The following SNX31 variants were observed in gnomAD, a reference collection of about 807,000 sequenced individuals.
The protein encoded by SNX31 is sorting nexin 31, also known as sorting nexin-31.
A neutral mutation model predicts 65.4 loss-of-function variants in SNX31; 58 were observed. The observed-to-expected ratio is 0.89, with a 90% confidence interval of 0.72 to 1.10. The LOEUF is 1.10. Ranked by LOEUF, SNX31 falls within the 50% of genes least tolerant of loss-of-function variation. The pLI is 0.00. For missense variants in SNX31, 523 were observed against 529.7 expected (o/e 0.99, Z 0.12); for synonymous variants, 181 against 190.1 (o/e 0.95, Z 0.39).
Position 100,625,660 on chromosome 8 carries a change from G to T in SNX31, c.321+4667C>A, listed in dbSNP as rs574841920. Among the ~76,000 whole-genome samples, 1 of 152,300 alleles carries T rather than the reference G, an allele frequency of 6.6e-6. No homozygotes were observed. The highest frequency in any genetic ancestry group is 6.5e-5 in the Admixed American group (1 of 15,300). ...GCCCTGAGCCTGAGGTTTTCAGAAG[G>T]GCTGCCAAGTGCGTTGAAAATTGAA... On this transcript the variant is annotated intron_variant, in intron 4 of 13. Transcript: ENST00000311812. This position sits in a 1 kb window ranked among gnomAD's most constrained non-coding sequence, Gnocchi z 4.2.
Position 100,595,800 on chromosome 8 carries a change from G to A in SNX31, c.978+839C>T, listed in dbSNP as rs541137161. 4.6e-5 allele frequency among the ~76,000 whole-genome samples: 7 copies of A among 152,292 alleles called. No homozygotes were observed. In the South Asian group the frequency reaches 1.5e-3, roughly 32 times the overall value. ...ACCTGGTTGAAGGCATCCAGAGGTA[G>A]AAAAAACTGGGCCTTTGAGCAGGGT... On this transcript the variant is annotated intron_variant, in intron 10 of 13. Coordinates refer to ENST00000311812, the MANE Select transcript of SNX31 (RefSeq NM_152628.4).
chr8:100,581,329 C>CTATATATATATCTA (rs1491502174), intron 12 of SNX31, among the ~76,000 whole-genome samples: 1 of 80,170 alleles, frequency 1.2e-5, no homozygotes, highest in African/African-American at 4.9e-5. Flanking sequence ...CTATATCTAT[C>CTATATATATATCTA]TATCTATCTA....
chr8:100,634,703 C>T (rs1393369057), intron 3 of SNX31, among the ~76,000 whole-genome samples: 1 of 151,504 alleles, frequency 6.6e-6, no homozygotes, highest in African/African-American at 2.4e-5. Flanking sequence ...GAGCCAAGGT[C>T]ACACCACTGC....
Position 100,588,882 on chromosome 8 carries a change from A to C in SNX31, c.1076T>G (p.Val359Gly). 1 of 1,613,764 alleles carries C rather than the reference A, an allele frequency of 6.2e-7. No individual in the cohort carries two copies. Among genetic ancestry groups the C allele is most frequent in the Non-Finnish European group, 8.5e-7 (1 of 1,179,636 alleles). ...YSEDSCWQWF[V>G]IYTKQAFLLS... ...AGAACTCACCTGTTTGGTGTAAATA[A>C]CAAACCACTGCCAGCAACTATCCTC... Residue 359 changes from valine to glycine, a missense_variant, in exon 11 of 14, where the codon GTT becomes GGT. By Grantham distance (109) the Val-to-Gly change is moderately radical. Transcript: ENST00000311812. This position sits in a 1 kb window ranked among gnomAD's most constrained non-coding sequence, Gnocchi z 4.8.
At chr8:100,628,103 G>A (rs562364665) in intron 4 of SNX31, among the ~76,000 whole-genome samples, 61 of 152,120 alleles carry the variant, frequency 4.0e-4, no homozygotes, top group Non-Finnish European at 7.2e-4. Context: ...GGTGCTGGAG[G>A]GGATGTGGAA....
At chr8:100,592,308 T>C (rs1156539445) in intron 10 of SNX31, among the ~76,000 whole-genome samples, 1 of 152,022 alleles carries the variant, frequency 6.6e-6, no homozygotes, top group Admixed American at 6.6e-5. Context: ...ATGGGATAAA[T>C]AACAATGTTA....
rs973840359 is a variant in SNX31 at position 100,648,447 on chromosome 8, G to T, written c.141+827C>A. Among the ~76,000 whole-genome samples, 15 of 151,666 alleles carry T rather than the reference G, an allele frequency of 9.9e-5. No individual in the cohort carries two copies. Among genetic ancestry groups the T allele is most frequent in the African/African-American group, 2.9e-4 (12 of 41,252 alleles). On this transcript the variant is annotated intron_variant, in intron 2 of 13. Transcript: ENST00000311812. This position sits in a 1 kb window ranked among gnomAD's most constrained non-coding sequence, Gnocchi z 4.3. ...CAAAGTATTGGGATTACAAGCATGA[G>T]CCACGGTGCCTGGCCTATACTTTTG...
intron 2 of SNX31, among the ~76,000 whole-genome samples, chr8:100,644,997 C>T (rs1819528551): frequency 6.6e-6 from 1 of 152,238 alleles, no homozygotes; most frequent in Non-Finnish European, 1.5e-5. Context: ...TAGCTCTCCA[C>T]ATACCCTGGC....
At chr8:100,607,559 CA>C (rs1225589623) in intron 8 of SNX31, among the ~76,000 whole-genome samples, 1 of 151,750 alleles carries the variant, frequency 6.6e-6, no homozygotes, top group Admixed American at 6.6e-5. Context: ...GTAATGGTCA[CA>C]AAAAAATAGA....
intron 4 of SNX31, among the ~76,000 whole-genome samples, chr8:100,623,843 T>C (rs1387677740): frequency 6.6e-6 from 1 of 152,184 alleles, no homozygotes; most frequent in East Asian, 1.9e-4. Context: ...TCAGAGACTT[T>C]GGGTAGATCA....
intron 1 of SNX31, among the ~76,000 whole-genome samples, chr8:100,657,465 AG>A (rs1307714913): frequency 1.3e-3 from 199 of 148,994 alleles, no homozygotes; most frequent in African/African-American, 4.6e-3. Flanking sequence ...AAAAAAAAAA[AG>A]AAAAAAGAAA....
intron 12 of SNX31, among the ~76,000 whole-genome samples, 161 bp from the exon 13 acceptor site, chr8:100,577,236 T>A (rs1415325696): frequency 6.6e-6 from 1 of 152,240 alleles, no homozygotes; most frequent in Non-Finnish European, 1.5e-5. Flanking sequence ...CATTCCTCTT[T>A]CACTTGTCAG....
chr8:100,601,961 A>T (rs897712944), intron 8 of SNX31, among the ~76,000 whole-genome samples: 4 of 152,196 alleles, frequency 2.6e-5, no homozygotes, highest in African/African-American at 7.2e-5. Context: ...CCCTTTAGCC[A>T]GTCTGGCCCT....
Position 100,591,413 on chromosome 8 carries a change from C to G in SNX31, c.979-2434G>C, listed in dbSNP as rs148183846. On this transcript the variant is annotated intron_variant, in intron 10 of 13. Coordinates refer to ENST00000311812, the MANE Select transcript of SNX31 (RefSeq NM_152628.4). The stretch of plus-strand genomic sequence containing the variant: ...CTGAGGCAGGAGAACGGCTTGAACC[C>G]GGGAGGCGGAGCTTGCAGTGAGCCG... Among the ~76,000 whole-genome samples the G allele has an allele frequency of 2.0e-5, 3 of 149,508 alleles. No homozygotes were observed. The Admixed American group carries it at 2.0e-4, about 10-fold the overall frequency.
intron 4 of SNX31, chr8:100,618,061 C>T (rs1449100976): frequency 1.7e-5 from 17 of 984,936 alleles, no homozygotes; most frequent in African/African-American, 5.2e-5. Flanking sequence ...CCACCACGCC[C>T]GGCCTCCACA....
rs1397479904 is a variant in SNX31 at position 100,649,620 on chromosome 8, A to G, written c.-106T>C. 2.1e-5 allele frequency: 24 copies of G among 1,141,588 alleles called. No homozygotes were observed. In the East Asian group the frequency reaches 6.5e-4, roughly 31 times the overall value. The allele number at this position is 1,141,588 out of a possible 1,614,324, so 70.7% of individuals were successfully genotyped here. A position where few individuals can be genotyped will look rare whatever the true frequency, so the allele number is the denominator to read the frequency against. On this transcript the variant is annotated 5_prime_UTR_variant, in exon 1 of 14. Coordinates refer to ENST00000311812, the MANE Select transcript of SNX31 (RefSeq NM_152628.4). ...TGGACGCAGCGCGGCCTGCCACGCG[A>G]CTCAGAGCGAACCCCGGCGCCCGCT...
chr8:100,659,825 A>T (rs1809749733), intron 1 of SNX31, among the ~76,000 whole-genome samples: 1 of 151,688 alleles, frequency 6.6e-6, no homozygotes, highest in Non-Finnish European at 1.5e-5. Context: ...GTTACCCCCA[A>T]CCACAAAATG....
intron 11 of SNX31, among the ~76,000 whole-genome samples, chr8:100,586,382 A>G (rs971349413): frequency 1.3e-5 from 2 of 152,244 alleles, no homozygotes; most frequent in African/African-American, 4.8e-5. Flanking sequence ...TTTAAAAAGT[A>G]GCCTTTGGGT....
chr8:100,649,624 A>C lies in SNX31; in HGVS notation c.-110T>G. On this transcript the variant is annotated 5_prime_UTR_variant, in exon 1 of 14. It removes the in-frame stop codon of an upstream open reading frame in the 5' UTR. Coordinates refer to ENST00000311812, the MANE Select transcript of SNX31 (RefSeq NM_152628.4). The stretch of plus-strand genomic sequence containing the variant: ...CGCAGCGCGGCCTGCCACGCGACTC[A>C]GAGCGAACCCCGGCGCCCGCTCTCG... 9.1e-7 allele frequency: 1 copy of C among 1,095,318 alleles called. No individual in the cohort carries two copies. The highest frequency in any genetic ancestry group is 1.3e-6 in the Non-Finnish European group (1 of 775,910). The allele number at this position is 1,095,318 out of a possible 1,614,324, so 67.8% of individuals were successfully genotyped here.
Sources: gnomAD v4.1 joint callset for allele counts (sites outside exome capture counted in the v4.1 genomes callset) on GRCh38, gnomAD v4.1.1 for gene constraint, Gnocchi (gnomAD v3.1) non-coding constraint, MANE v1.5 for transcripts, NCBI Gene and HGNC (gene_info 2026-07-23, HGNC 2026-07-21) for gene names.